The following ENPP3 variants were observed in gnomAD, a reference collection of about 807,000 sequenced individuals.
ENPP3 encodes ectonucleotide pyrophosphatase/phosphodiesterase 3.
Under a neutral mutation model 117.8 loss-of-function variants are expected in ENPP3, and 104 were observed. The observed-to-expected ratio is 0.88, with a 90% confidence interval of 0.75 to 1.04. The LOEUF (loss-of-function observed/expected upper bound fraction) is 1.04, where lower values mean the gene tolerates loss of function less well. Ranked by LOEUF, ENPP3 falls within the 50% of genes least tolerant of loss-of-function variation. The pLI, the probability that ENPP3 is intolerant of heterozygous loss-of-function variation, is 0.00. For missense variants in ENPP3, 1,026 were observed against 1,051.9 expected (o/e 0.98, Z 0.34); for synonymous variants, 380 against 349.9 (o/e 1.09, Z -0.96).
chr6:131,676,056 A>G (rs918447500), intron 9 of ENPP3, among the ~76,000 whole-genome samples: 1 of 152,016 alleles, frequency 6.6e-6, no homozygotes, highest in East Asian at 1.9e-4. Context: ...TCAACATGCT[A>G]GACTTGCTTC....
intron 2 of ENPP3, among the ~76,000 whole-genome samples, chr6:131,644,028 G>A (rs2114292713): frequency 6.6e-6 from 1 of 151,972 alleles, no homozygotes; most frequent in Middle Eastern, 3.4e-3. Context: ...GGATAGGTTG[G>A]GGAGGAACAT....
intron 24 of ENPP3, among the ~76,000 whole-genome samples, chr6:131,742,615 CAACAAA>C (rs1780550737): frequency 6.6e-6 from 1 of 152,104 alleles, no homozygotes; most frequent in Non-Finnish European, 1.5e-5. Context: ...ACAACAACAA[CAACAAA>C]AATACAAAGA....
At chr6:131,654,232 C>G (rs1282661259) in intron 5 of ENPP3, among the ~76,000 whole-genome samples, 5 of 151,930 alleles carry the variant, frequency 3.3e-5, no homozygotes, top group African/African-American at 1.2e-4. Flanking sequence ...TTCCTGGGCT[C>G]AAGCTATCCT....
rs146797226 is a variant in ENPP3 at position 131,722,302 on chromosome 6, A to G, written c.1643A>G (p.Tyr548Cys). 1.8e-5 allele frequency: 29 copies of G among 1,613,954 alleles called. No homozygotes were observed. In the African/African-American group the frequency reaches 3.3e-4, roughly 19 times the overall value. ...SLNHLLKVPF[Y>C]EPSHAEEVSK... is the part of the protein sequence containing the mutation. Reference sequence around the variant, plus strand: ...AACCATCTTCTGAAGGTGCCTTTTTATGAGCCATCCCATGCAGAGGAGGTG... The same window carrying G: ...AACCATCTTCTGAAGGTGCCTTTTTGTGAGCCATCCCATGCAGAGGAGGTG... The change falls in exon 18 of 25, where the codon TAT (tyrosine) becomes TGT (cysteine). Residue 548 changes from tyrosine (Y) to cysteine (C), a missense_variant. Transcript: ENST00000357639.
intron 12 of ENPP3, among the ~76,000 whole-genome samples, chr6:131,684,489 G>T (rs1366808997): frequency 1.3e-5 from 2 of 152,106 alleles, no homozygotes; most frequent in Non-Finnish European, 2.9e-5. Context: ...AGACCAGCCT[G>T]GCCAATATGG....
intron 24 of ENPP3, 64 bp downstream of exon 24, chr6:131,740,444 T>A: frequency 7.8e-7 from 1 of 1,283,534 alleles, no homozygotes; most frequent in Non-Finnish European, 1.0e-6. Flanking sequence ...TGGGTTCTCA[T>A]AAAAGTGGCT....
At chr6:131,725,510 A>G (rs1323275286) in intron 19 of ENPP3, among the ~76,000 whole-genome samples, 17 of 152,040 alleles carry the variant, frequency 1.1e-4, no homozygotes, top group Non-Finnish European at 7.4e-5. Flanking sequence ...TCATGCCTTA[A>G]TCACCTCCTA....
intron 3 of ENPP3, among the ~76,000 whole-genome samples, chr6:131,652,111 C>T (rs116977726): frequency 1.3e-5 from 2 of 152,372 alleles, no homozygotes; most frequent in East Asian, 1.9e-4. Flanking sequence ...GATCTGCCTA[C>T]ATTCTCAAAG....
chr6:131,674,831 A>G (rs1395422839), intron 8 of ENPP3, among the ~76,000 whole-genome samples: 3 of 151,994 alleles, frequency 2.0e-5, no homozygotes, highest in Non-Finnish European at 4.4e-5. Context: ...CGGCCTCCCA[A>G]AGTGCTGGGA....
intron 1 of ENPP3, among the ~76,000 whole-genome samples, chr6:131,640,896 A>G (rs1195208800): frequency 6.6e-6 from 1 of 152,240 alleles, no homozygotes; most frequent in Non-Finnish European, 1.5e-5. Flanking sequence ...TTGGTCAGGC[A>G]GTTTCCAAAT....
intron 11 of ENPP3, among the ~76,000 whole-genome samples, chr6:131,681,415 A>G (rs1267884302): frequency 2.0e-5 from 3 of 152,222 alleles, no homozygotes. Context: ...TCTCAAAAAA[A>G]GAAAAAGAAG....
At position 131,733,719 on chromosome 6, in the gene ENPP3, T is replaced by G; in HGVS notation, c.2085T>G (p.Pro695=). 6.2e-7 allele frequency: 1 copy of G among 1,613,898 alleles called. No individual in the cohort carries two copies. Among genetic ancestry groups the G allele is most frequent in the Non-Finnish European group, 8.5e-7 (1 of 1,179,852 alleles). ...DKNITHGFLY[P]PASNRTSDSQ... ...ATATCACCCACGGCTTCCTCTATCC[T>G]CCTGGTTAGTAGAACTCTTTTTTAG... is the stretch of plus-strand genomic sequence containing the variant. The change falls in exon 21 of 25, where the codon CCT becomes CCG. Residue 695 remains proline, a synonymous_variant. Transcript: ENST00000357639.
chr6:131,674,568 GTCTTTTTTTTTT>G (rs942760928), intron 8 of ENPP3, among the ~76,000 whole-genome samples: 1 of 150,992 alleles, frequency 6.6e-6, no homozygotes, highest in African/African-American at 2.4e-5. Context: ...TGTTTTGTAA[GTCTTTTTTTTTT>G]TCTTTTTTTT....
At chr6:131,648,474 G>A (rs1282556529) in intron 2 of ENPP3, among the ~76,000 whole-genome samples, 1 of 151,912 alleles carries the variant, frequency 6.6e-6, no homozygotes, top group Admixed American at 6.6e-5. Context: ...GTTATTCACT[G>A]TTACTTTGCA....
intron 6 of ENPP3, 66 bp downstream of exon 6, chr6:131,658,486 T>C (rs1778432244): frequency 1.2e-6 from 1 of 850,972 alleles, no homozygotes; most frequent in South Asian, 1.4e-5. Context: ...CTCTAGAGGA[T>C]GCAACTTTCT....
rs768847368 is a variant in ENPP3, at chr6:131,710,139, C to T, written c.1413-8533C>T. The T allele has an allele frequency of 3.1e-6, 5 of 1,613,848 alleles. No homozygotes were observed. The South Asian group carries it at 5.5e-5, about 18-fold the overall frequency. On this transcript the variant is annotated intron_variant, in intron 15 of 24. Coordinates refer to ENST00000357639, the MANE Select transcript of ENPP3 (RefSeq NM_005021.5). ...CCCATTGACTGTTCACTTTTAATTC[C>T]AGGTTATCATCATCCGTTGTGTCTT... is the stretch of plus-strand genomic sequence containing the variant.
At chr6:131,679,918 C>T (rs940204302) in intron 11 of ENPP3, among the ~76,000 whole-genome samples, 7 of 152,124 alleles carry the variant, frequency 4.6e-5, no homozygotes, top group Non-Finnish European at 8.8e-5. Flanking sequence ...CCAATGTCTG[C>T]AGCATTGTGT....
chr6:131,673,781 CT>C lies in ENPP3; in HGVS notation c.643-373del, dbSNP rs548548269. On this transcript the variant is annotated intron_variant, in intron 7 of 24. Coordinates refer to ENST00000357639, the MANE Select transcript of ENPP3 (RefSeq NM_005021.5). ...TGCGTCTGTACTGAACATGTACAGA[CT>C]TTTTTTTGTCACTATTCCCTAAACA... 5.5e-3 allele frequency among the ~76,000 whole-genome samples: 841 copies of C among 151,932 alleles called. 6 individuals carry two copies. The highest frequency in any genetic ancestry group is 0.017 in the African/African-American group (710 of 41,408).
At chr6:131,696,790 A>G (rs3778569) in intron 15 of ENPP3, among the ~76,000 whole-genome samples, 43,560 of 142,736 alleles carry the variant, frequency 0.31, 11,737 homozygotes, top group African/African-American at 0.73. Context: ...TTTTTTTTGA[A>G]ATGGAGTCTC....
Sources: allele counts gnomAD v4.1 joint callset (sites outside exome capture counted in the v4.1 genomes callset), GRCh38; gene constraint gnomAD v4.1.1; transcripts MANE v1.5; gene names NCBI Gene and HGNC (gene_info 2026-07-23, HGNC 2026-07-21).